ACSL3: variants seen among roughly 807,000 people sequenced by gnomAD.
ACSL3 encodes fatty acid CoA ligase Acsl3.
Under a neutral mutation model 84.7 loss-of-function variants are expected in ACSL3, and 34 were observed. The ratio of observed to expected loss-of-function variants is 0.40; its 90% CI spans 0.31 to 0.53. The LOEUF is 0.53. ACSL3 is among the 20% of genes least tolerant of loss of function. The pLI is 0.48. For synonymous variants in ACSL3, 315 were observed against 299.4 expected, an observed-to-expected ratio of 1.05 and a Z score of -0.54; for missense variants, 680 against 873.1, an observed-to-expected ratio of 0.78 and a Z score of 2.79.
chr2:222,888,201 G>C (rs1350404793), intron 2 of ACSL3, among the ~76,000 whole-genome samples: 2 of 152,058 alleles, frequency 1.3e-5, no homozygotes, highest in Non-Finnish European at 2.9e-5. Flanking sequence ...ATATGTGATG[G>C]TCATTTAAAA....
At chr2:222,862,748 C>T (rs889241207) in intron 1 of ACSL3, among the ~76,000 whole-genome samples, 1 of 152,094 alleles carries the variant, frequency 6.6e-6, no homozygotes. Context: ...GGGTGTGGGG[C>T]AGAGTGGTCC....
At chr2:222,924,628 C>G in intron 11 of ACSL3, 33 bp downstream of exon 11, 1 of 1,550,270 alleles carries the variant, frequency 6.5e-7, no homozygotes, top group Non-Finnish European at 8.7e-7. Flanking sequence ...CTTCTTTCTC[C>G]TCTTGATAAT....
At chr2:222,886,823 TA>T (rs904893086) in intron 1 of ACSL3, among the ~76,000 whole-genome samples, 56 of 152,236 alleles carry the variant, frequency 3.7e-4, no homozygotes, top group African/African-American at 1.3e-3. Context: ...ATTTCTCATA[TA>T]CCCCTTCCCC....
intron 2 of ACSL3, among the ~76,000 whole-genome samples, chr2:222,900,133 A>G (rs911214636): frequency 1.3e-5 from 2 of 152,212 alleles, no homozygotes; most frequent in Non-Finnish European, 2.9e-5. Context: ...GCGGTTGTCC[A>G]AATTTGTTAC....
chr2:222,941,606 T>TAA lies in ACSL3; in HGVS notation c.2118_2119dup (p.Thr707LysfsTer131). On this transcript the variant is annotated frameshift_variant, in exon 17 of 17. Coordinates refer to ENST00000357430, the MANE Select transcript of ACSL3 (RefSeq NM_004457.5). LOFTEE classifies it high-confidence loss of function. The stretch of plus-strand genomic sequence containing the variant: ...CCTTCAAGCTGAAACGCAAAGAGCT[T>TAA]AAAACACATTACCAGGCGGACATTG... The TAA allele has an allele frequency of 1.2e-6, 2 of 1,613,668 alleles. No homozygotes were observed. The highest frequency in any genetic ancestry group is 2.2e-5 in the South Asian group (2 of 91,062).
chr2:222,868,996 T>C (rs1415972230), intron 1 of ACSL3, among the ~76,000 whole-genome samples: 1 of 151,998 alleles, frequency 6.6e-6, no homozygotes, highest in Non-Finnish European at 1.5e-5. Flanking sequence ...TTAGGATTTA[T>C]CGTGTTTCAA....
At chr2:222,893,810 G>GT (rs990133196) in intron 2 of ACSL3, among the ~76,000 whole-genome samples, 1 of 151,212 alleles carries the variant, frequency 6.6e-6, no homozygotes, top group African/African-American at 2.4e-5. Flanking sequence ...TCACAGGGTT[G>GT]TTTTTTCTCA....
chr2:222,870,589 A>G (rs746438186), intron 1 of ACSL3, among the ~76,000 whole-genome samples: 32 of 152,250 alleles, frequency 2.1e-4, no homozygotes, highest in South Asian at 1.0e-3. Flanking sequence ...GGTATCAGAG[A>G]ATGCCTAATC....
rs142040687 is a variant in ACSL3 at position 222,886,352 on chromosome 2, T to C, written c.-206-1478T>C. 2.6e-3 allele frequency among the ~76,000 whole-genome samples: 389 copies of C among 152,320 alleles called. 2 individuals are homozygous for C. The highest frequency in any genetic ancestry group is 4.8e-3 in the Non-Finnish European group (327 of 68,030). On this transcript the variant is annotated intron_variant, in intron 1 of 16. Coordinates refer to ENST00000357430, the MANE Select transcript of ACSL3 (RefSeq NM_004457.5). ...TGTTTCTTTTCTGTTCCTGTGTTAG[T>C]TTGCTGAGAATGGTGGCTTCCAGCT...
At chr2:222,933,620 A>G (rs1697093887) in intron 15 of ACSL3, 1 of 174,106 alleles carries the variant, frequency 5.7e-6, no homozygotes, top group Admixed American at 6.1e-5. Context: ...AGGAATGGGG[A>G]GTAAAGAAGT....
chr2:222,886,151 G>A (rs1010679985), intron 1 of ACSL3, among the ~76,000 whole-genome samples: 3 of 54,612 alleles, frequency 5.5e-5, no homozygotes, highest in Admixed American at 2.3e-4. Flanking sequence ...TTGGTTTGCT[G>A]CACCTTTCAA....
chr2:222,874,845 C>T (rs901884812), intron 1 of ACSL3, among the ~76,000 whole-genome samples: 17 of 151,782 alleles, frequency 1.1e-4, no homozygotes, highest in Non-Finnish European at 2.1e-4. Flanking sequence ...CATTGGCTCA[C>T]TACTGTAATC....
chr2:222,876,492 A>C (rs1695453165), intron 1 of ACSL3, among the ~76,000 whole-genome samples: 2 of 151,848 alleles, frequency 1.3e-5, no homozygotes, highest in Admixed American at 6.6e-5. Context: ...CAGCCAATTA[A>C]AAACATTTTT....
chr2:222,899,005 A>T (rs1333711023), intron 2 of ACSL3, among the ~76,000 whole-genome samples: 1 of 152,202 alleles, frequency 6.6e-6, no homozygotes, highest in East Asian at 1.9e-4. Context: ...CATTTTGTCT[A>T]TTTGAGAAAA....
intron 1 of ACSL3, among the ~76,000 whole-genome samples, chr2:222,872,824 C>T (rs1695339525): frequency 6.6e-6 from 1 of 150,550 alleles, no homozygotes; most frequent in Admixed American, 6.6e-5. Context: ...GCTTTCTAGG[C>T]AGAGGCTTGA....
intron 1 of ACSL3, among the ~76,000 whole-genome samples, chr2:222,880,552 G>A (rs898414332): frequency 5.3e-5 from 8 of 152,050 alleles, no homozygotes; most frequent in African/African-American, 1.9e-4. Flanking sequence ...TTTTTGGCCG[G>A]GCGCGGTGGC....
chr2:222,910,879 A>T (rs546145472), intron 4 of ACSL3, among the ~76,000 whole-genome samples: 3 of 152,164 alleles, frequency 2.0e-5, no homozygotes, highest in South Asian at 4.2e-4. Flanking sequence ...AAAAAACTGA[A>T]TTTTTTTCTA....
chr2:222,929,376 T>C (rs1696964041), intron 13 of ACSL3, among the ~76,000 whole-genome samples: 2 of 152,238 alleles, frequency 1.3e-5, no homozygotes, highest in African/African-American at 4.8e-5. Context: ...AGAAGTCTGT[T>C]TATTCTCATG....
In ACSL3 at chr2:222,934,126, C is replaced by T. The variant is rs904270283; in HGVS notation, c.1848-404C>T. 7.9e-5 allele frequency among the ~76,000 whole-genome samples: 12 copies of T among 152,230 alleles called. No homozygotes were observed. In the South Asian group the frequency reaches 1.7e-3, roughly 21 times the overall value. ...AGAATATATTCACATCATTTTGATT[C>T]GTTGCTGAATTTTTAAGATAGTTTT... On this transcript the variant is annotated intron_variant, in intron 15 of 16. Coordinates refer to ENST00000357430, the MANE Select transcript of ACSL3 (RefSeq NM_004457.5).
Sources: gnomAD v4.1 joint callset for allele counts (sites outside exome capture counted in the v4.1 genomes callset) on GRCh38, gnomAD v4.1.1 for gene constraint, MANE v1.5 for transcripts, NCBI Gene and HGNC (gene_info 2026-07-23, HGNC 2026-07-21) for gene names.